Variants in DOCK3 observed in about 807,000 individuals in gnomAD.
DOCK3 encodes the protein dedicator of cytokinesis 3, also known as dedicator of cytokinesis protein 3.
A neutral mutation model predicts 265.6 loss-of-function variants in DOCK3; 60 were observed. That is an observed-to-expected ratio of 0.23 (90% confidence interval 0.18 to 0.28). DOCK3 has a LOEUF of 0.28. Ranked by LOEUF, DOCK3 falls within the 10% of genes least tolerant of loss-of-function variation. DOCK3 has a pLI of 1.00. For missense variants in DOCK3, 1,981 were observed against 2,594.3 expected, an observed-to-expected ratio of 0.76 and a Z score of 5.14; for synonymous variants, 881 against 938.0, an observed-to-expected ratio of 0.94 and a Z score of 1.11.
At chr3:50,988,135 C>T (rs2077971201) in intron 5 of DOCK3, among the ~76,000 whole-genome samples, 1 of 152,196 alleles carries the variant, frequency 6.6e-6, no homozygotes, top group Non-Finnish European at 1.5e-5. Context: ...GAGGAAGCTC[C>T]TGAGGGGAGA....
chr3:51,332,874 G>A (rs919593964), intron 33 of DOCK3, 127 bp from the exon 34 acceptor site: 9 of 1,251,108 alleles, frequency 7.2e-6, no homozygotes, highest in Admixed American at 2.0e-5. Flanking sequence ...GGCTGGAGCC[G>A]AACCCCTCCC....
chr3:51,227,221 G>A, intron 15 of DOCK3, 62 bp from the exon 16 acceptor site: 10 of 1,582,532 alleles, frequency 6.3e-6, no homozygotes, highest in Non-Finnish European at 7.8e-6. Flanking sequence ...GTGTCCTAGT[G>A]ACACAGAAAT....
At chr3:50,819,186 A>G (rs2044263929) in intron 2 of DOCK3, among the ~76,000 whole-genome samples, 1 of 152,048 alleles carries the variant, frequency 6.6e-6, no homozygotes, top group African/African-American at 2.4e-5. Flanking sequence ...ACCTGCATGT[A>G]CTTCTGCTAT....
chr3:51,159,291 T>C lies in DOCK3; in HGVS notation c.876T>C (p.His292=), dbSNP rs1313324083. Residue 292 remains histidine (H), a synonymous_variant, in exon 11 of 53, where the codon CAT becomes CAC. Transcript: ENST00000266037. ...AGAGAGATTTGTATATCGTTGCCCA[T>C]GTGATCCGAATAGGTACTGTTCACC... The part of the protein sequence containing the change: ...DMKRDLYIVA[H]VIRIGRMLLN... 3.1e-6 allele frequency: 5 copies of C among 1,613,558 alleles called. No individual in the cohort carries two copies. In the South Asian group the frequency reaches 5.5e-5, roughly 18 times the overall value.
At position 51,361,729 on chromosome 3, in the gene DOCK3, A is replaced by G. The variant is rs2086749038; in HGVS notation, c.5007-130A>G. On this transcript the variant is annotated intron_variant, in intron 47 of 52. Coordinates refer to ENST00000266037, the MANE Select transcript of DOCK3 (RefSeq NM_004947.5). The surrounding 1 kb of genome is among the most constrained non-coding windows in gnomAD (Gnocchi z 4.2). The stretch of plus-strand genomic sequence containing the variant: ...CTCCAGGCCTCAGATGGGTATGAGC[A>G]TTGACTATGGAACCCTCCAAACCGG... The G allele has an allele frequency of 7.9e-7, 1 of 1,271,924 alleles. No homozygotes were observed. The highest frequency in any genetic ancestry group is 2.4e-5 in the Admixed American group (1 of 42,414). 78.8% of individuals were successfully genotyped at this position (1,271,924 alleles called of 1,614,324 possible).
At chr3:51,254,312 G>A (rs1330747632) in intron 22 of DOCK3, among the ~76,000 whole-genome samples, 1 of 152,208 alleles carries the variant, frequency 6.6e-6, no homozygotes, top group African/African-American at 2.4e-5. Flanking sequence ...TGGAATAAGT[G>A]CAATGTGGTG....
At chr3:50,929,406 C>T (rs1474540382) in intron 4 of DOCK3, among the ~76,000 whole-genome samples, 1 of 152,190 alleles carries the variant, frequency 6.6e-6, no homozygotes, top group Admixed American at 6.5e-5. Context: ...CTTAGTCCTG[C>T]AGCTTGCTAA....
intron 5 of DOCK3, among the ~76,000 whole-genome samples, chr3:51,011,136 C>A (rs2078933890): frequency 6.6e-6 from 1 of 152,068 alleles, no homozygotes; most frequent in African/African-American, 2.4e-5. Context: ...TTATGGTGTT[C>A]TTTGTATTTC....
At chr3:51,286,679 T>C (rs2081424136) in intron 27 of DOCK3, among the ~76,000 whole-genome samples, 1 of 151,912 alleles carries the variant, frequency 6.6e-6, no homozygotes, top group Non-Finnish European at 1.5e-5. Context: ...CCTACAACAA[T>C]CTCATTTACA....
chr3:51,303,622 G>T (rs2082479068), intron 27 of DOCK3, among the ~76,000 whole-genome samples: 1 of 152,176 alleles, frequency 6.6e-6, no homozygotes. Context: ...TGATGCTGTT[G>T]TTGTTGCTTT....
At chr3:51,376,747 C>A (rs1477233971) in intron 51 of DOCK3, among the ~76,000 whole-genome samples, 1 of 152,212 alleles carries the variant, frequency 6.6e-6, no homozygotes, top group African/African-American at 2.4e-5. Flanking sequence ...CGTATCTGTT[C>A]ATCGAGTGCT....
chr3:51,295,847 T>C (rs1392204470), intron 27 of DOCK3, among the ~76,000 whole-genome samples: 1 of 152,152 alleles, frequency 6.6e-6, no homozygotes, highest in African/African-American at 2.4e-5. Context: ...ACAGATGACC[T>C]GATTCTTTTT....
chr3:50,926,360 T>A (rs968466928), intron 4 of DOCK3, among the ~76,000 whole-genome samples: 5 of 152,328 alleles, frequency 3.3e-5, no homozygotes, highest in South Asian at 4.1e-4. Context: ...AAGGGTTTTT[T>A]AAAAAAGTTT....
chr3:50,675,393 A>G lies in DOCK3; in HGVS notation c.37+93A>G. 1 of 1,087,902 alleles carries G rather than the reference A, an allele frequency of 9.2e-7. No individual in the cohort carries two copies. Among genetic ancestry groups the G allele is most frequent in the African/African-American group, 1.7e-5 (1 of 59,472 alleles). 67.4% of individuals were successfully genotyped at this position (1,087,902 alleles called of 1,614,324 possible). ...GGATTCGCATCCTCGTGCCCCCGCCACTGCCCGCAGGCTGCGCGGCCTCGG... is the reference window on the plus strand; with the variant it reads ...GGATTCGCATCCTCGTGCCCCCGCCGCTGCCCGCAGGCTGCGCGGCCTCGG... On this transcript the variant is annotated intron_variant, in intron 1 of 52. Transcript: ENST00000266037. This position sits in a 1 kb window ranked among gnomAD's most constrained non-coding sequence, Gnocchi z 6.1.
chr3:50,816,112 T>C (rs2044059761), intron 2 of DOCK3, among the ~76,000 whole-genome samples: 1 of 152,036 alleles, frequency 6.6e-6, no homozygotes. Flanking sequence ...TTCATTTTGA[T>C]TTGGTTGATC....
intron 4 of DOCK3, among the ~76,000 whole-genome samples, chr3:50,901,141 G>A (rs991640706): frequency 3.3e-5 from 5 of 152,050 alleles, no homozygotes; most frequent in African/African-American, 1.2e-4. Flanking sequence ...CCCCTGAATG[G>A]GGCTGCTGCC....
intron 5 of DOCK3, among the ~76,000 whole-genome samples, chr3:51,039,848 C>T (rs951860138): frequency 2.7e-5 from 4 of 150,044 alleles, no homozygotes; most frequent in Non-Finnish European, 5.9e-5. Context: ...TGTAATCACC[C>T]TCGGGTTTCT....
At chr3:50,833,089 T>C (rs951662773) in intron 2 of DOCK3, among the ~76,000 whole-genome samples, 3 of 152,118 alleles carry the variant, frequency 2.0e-5, no homozygotes, top group African/African-American at 7.2e-5. Flanking sequence ...ACCAAGCTGA[T>C]ATGGGGCTGC....
chr3:51,364,439 G>A (rs1272461084), intron 49 of DOCK3, among the ~76,000 whole-genome samples: 1 of 152,156 alleles, frequency 6.6e-6, no homozygotes, highest in Non-Finnish European at 1.5e-5. Flanking sequence ...TCTGTAGGTT[G>A]CCTTTTCACT....
Sources: allele counts gnomAD v4.1 joint callset (sites outside exome capture counted in the v4.1 genomes callset), GRCh38; gene constraint gnomAD v4.1.1; non-coding constraint Gnocchi (gnomAD v3.1); transcripts MANE v1.5; gene names NCBI Gene and HGNC (gene_info 2026-07-23, HGNC 2026-07-21).